ZNF512: variants seen among roughly 807,000 people sequenced by gnomAD.
ZNF512 encodes zinc finger protein 512.
In ZNF512, 25 loss-of-function variants were observed where a neutral mutation model predicts 77.5. The observed-to-expected ratio is 0.32, with a 90% CI of 0.23 to 0.45. The LOEUF (loss-of-function observed/expected upper bound fraction) is 0.45. Ranked by LOEUF, ZNF512 falls within the 20% of genes least tolerant of loss-of-function variation. ZNF512 has a pLI of 1.00. For missense variants in ZNF512, 483 were observed against 692.6 expected (o/e 0.70, Z 3.40); for synonymous variants, 246 against 239.9 (o/e 1.03, Z -0.24).
At chr2:27,592,667 CTTTTTTTTTTTTTTT>C (rs139890307) in intron 2 of ZNF512, among the ~76,000 whole-genome samples, 31 of 81,554 alleles carry the variant, frequency 3.8e-4, no homozygotes, top group South Asian at 8.7e-4. Context: ...CCATGTTTAC[CTTTTTTTTTTTTTTT>C]TTTTTTTTTT....
chr2:27,614,670 TC>T (rs989639379), intron 10 of ZNF512, among the ~76,000 whole-genome samples: 1 of 133,448 alleles, frequency 7.5e-6, no homozygotes, highest in Non-Finnish European at 1.6e-5. Flanking sequence ...AGAGCAAGAC[TC>T]CATCTCAAAA....
intron 2 of ZNF512, among the ~76,000 whole-genome samples, chr2:27,586,702 T>G (rs1671344574): frequency 6.6e-6 from 1 of 152,212 alleles, no homozygotes; most frequent in Admixed American, 6.5e-5. Context: ...CGTGAAACCA[T>G]TGCCACAATC....
At chr2:27,584,022 C>G (rs1033795904) in intron 2 of ZNF512, among the ~76,000 whole-genome samples, 3 of 152,126 alleles carry the variant, frequency 2.0e-5, no homozygotes, top group Non-Finnish European at 4.4e-5. Flanking sequence ...CTACTAGCCC[C>G]GTACGCCTTT....
intron 1 of ZNF512, 104 bp from the exon 2 acceptor site, chr2:27,583,554 T>A (rs1176069172): frequency 6.5e-7 from 1 of 1,537,972 alleles, no homozygotes; most frequent in Non-Finnish European, 8.7e-7. Context: ...TTGAGGTGGT[T>A]TCCCCGGGAG....
chr2:27,583,395 C>A, intron 1 of ZNF512: 4 of 1,412,342 alleles, frequency 2.8e-6, no homozygotes, highest in Non-Finnish European at 3.7e-6. Context: ...TCTCTCATAT[C>A]CGTTGTCTTT....
intron 5 of ZNF512, 83 bp downstream of exon 5, chr2:27,600,136 A>ACT: frequency 6.9e-7 from 1 of 1,455,462 alleles, no homozygotes; most frequent in Non-Finnish European, 9.5e-7. Context: ...GGAATGAGGT[A>ACT]CTAAAGCATT....
chr2:27,606,981 C>T (rs1287985044), intron 9 of ZNF512, among the ~76,000 whole-genome samples: 1 of 152,096 alleles, frequency 6.6e-6, no homozygotes, highest in Non-Finnish European at 1.5e-5. Flanking sequence ...CATTCCCTGG[C>T]TCATGGCTGT....
At chr2:27,605,567 C>T (rs1672319019) in intron 9 of ZNF512, among the ~76,000 whole-genome samples, 1 of 152,042 alleles carries the variant, frequency 6.6e-6, no homozygotes. Context: ...CCTCTGCCTC[C>T]CGGGCTCAAG....
intron 2 of ZNF512, among the ~76,000 whole-genome samples, chr2:27,589,560 G>T (rs1671483183): frequency 6.6e-6 from 1 of 152,004 alleles, no homozygotes; most frequent in Non-Finnish European, 1.5e-5. Flanking sequence ...CCTATTGTCT[G>T]TTTTCTAGTT....
intron 2 of ZNF512, among the ~76,000 whole-genome samples, chr2:27,593,341 G>A (rs1031393899): frequency 1.3e-5 from 2 of 149,640 alleles, no homozygotes; most frequent in East Asian, 2.0e-4. Context: ...GGTGGAGGCT[G>A]TGCTTGAGCC....
chr2:27,611,414 T>C (rs1427112970), intron 10 of ZNF512, among the ~76,000 whole-genome samples: 1 of 152,186 alleles, frequency 6.6e-6, no homozygotes, highest in African/African-American at 2.4e-5. Flanking sequence ...GAGAGTATCA[T>C]GACTCTCAGT....
chr2:27,602,873 A>C (rs868083014), intron 8 of ZNF512, among the ~76,000 whole-genome samples: 1 of 152,146 alleles, frequency 6.6e-6, no homozygotes, highest in African/African-American at 2.4e-5. Flanking sequence ...GTTGGATCAC[A>C]GACCAAGGAG....
chr2:27,603,115 G>A (rs2148024035), intron 8 of ZNF512, 25 bp from the exon 9 acceptor site: 2 of 1,612,078 alleles, frequency 1.2e-6, no homozygotes, highest in East Asian at 4.5e-5. Flanking sequence ...TAAGATTATA[G>A]TTTAGGCTTC....
At chr2:27,609,181 T>C (rs1672498141) in intron 10 of ZNF512, among the ~76,000 whole-genome samples, 1 of 151,984 alleles carries the variant, frequency 6.6e-6, no homozygotes, top group East Asian at 1.9e-4. Flanking sequence ...TCTTTTTTGG[T>C]CTAAAAATTA....
chr2:27,600,133 G>A (rs1292422015), intron 5 of ZNF512, 80 bp downstream of exon 5: 1 of 1,461,818 alleles, frequency 6.8e-7, no homozygotes, highest in African/African-American at 1.4e-5. Context: ...GAAGGAATGA[G>A]GTACTAAAGC....
chr2:27,616,864 T>C (rs1262901619), intron 12 of ZNF512, among the ~76,000 whole-genome samples: 1 of 152,050 alleles, frequency 6.6e-6, no homozygotes, highest in African/African-American at 2.4e-5. Context: ...CATTTTCCAA[T>C]CTCCTCACAC....
At chr2:27,586,458 G>A (rs1484511607) in intron 2 of ZNF512, among the ~76,000 whole-genome samples, 2 of 152,088 alleles carry the variant, frequency 1.3e-5, no homozygotes, top group Non-Finnish European at 2.9e-5. Flanking sequence ...TTGAACTCCT[G>A]AGCTCAGGCA....
chr2:27,597,603 A>C (rs916234567), intron 2 of ZNF512, among the ~76,000 whole-genome samples: 1 of 152,216 alleles, frequency 6.6e-6, no homozygotes, highest in African/African-American at 2.4e-5. Flanking sequence ...ATCAGGTTTT[A>C]GGGAGAATGC....
chr2:27,594,823 C>T (rs980363182), intron 2 of ZNF512, among the ~76,000 whole-genome samples: 10 of 152,192 alleles, frequency 6.6e-5, no homozygotes, highest in Non-Finnish European at 1.2e-4. Flanking sequence ...CACGCCACTG[C>T]ACTCCAGCCT....
Sources: allele counts gnomAD v4.1 joint callset (sites outside exome capture counted in the v4.1 genomes callset), GRCh38; gene constraint gnomAD v4.1.1; transcripts MANE v1.5; gene names NCBI Gene and HGNC (gene_info 2026-07-23, HGNC 2026-07-21).